The following SEC14L4 variants were observed in gnomAD, a reference collection of about 807,000 sequenced individuals.
The protein encoded by SEC14L4 is SEC14-like protein 4.
In SEC14L4, 42 loss-of-function variants were observed where a neutral mutation model predicts 55.1. The observed-to-expected ratio is 0.76, with a 90% confidence interval of 0.60 to 0.99. SEC14L4 has a LOEUF of 0.99. Among genes scored for constraint, SEC14L4 ranks in the 50% least tolerant of loss-of-function variants. SEC14L4 has a pLI of 0.00. For synonymous variants in SEC14L4, 206 were observed against 206.8 expected (o/e 1.00, Z 0.03); for missense variants, 445 against 512.1 (o/e 0.87, Z 1.27).
At chr22:30,490,329 A>C (rs748166799) in intron 11 of SEC14L4, 83 bp from the exon 12 acceptor site, 1 of 1,587,676 alleles carries the variant, frequency 6.3e-7, no homozygotes, top group African/African-American at 1.3e-5. Context: ...GCATCCCTGG[A>C]ACCCTTGGGA....
chr22:30,489,399 C>A lies in SEC14L4; in HGVS notation c.*708G>T. On this transcript the variant is annotated 3_prime_UTR_variant, in exon 12 of 12. Transcript: ENST00000255858. ...GGATTACAGGTGCACGCCACCATGC[C>A]CGGCTAATTTTTGTATTTTTAGTAG... 1 of 184,636 alleles carries A rather than the reference C, an allele frequency of 5.4e-6. No homozygotes were observed. Among genetic ancestry groups the A allele is most frequent in the Non-Finnish European group, 1.1e-5 (1 of 87,534 alleles). 11.4% of individuals were successfully genotyped at this position (184,636 alleles called of 1,614,324 possible).
In SEC14L4 at chr22:30,495,281, C is replaced by G; in HGVS notation, c.396G>C (p.Leu132Phe). ...TCTGAGTTTGCAGCTCACACTCATG[C>G]AACAGCAGCTCACAGACTTTGATGC... ...RKRIKVCELL[L>F]HECELQTQKL... is the part of the protein sequence containing the mutation. The change falls in exon 5 of 12, where the codon TTG becomes TTC. Residue 132 changes from leucine (L) to phenylalanine (F), a missense_variant. Leu to Phe is a conservative substitution (Grantham distance 22). Transcript: ENST00000255858. 1.9e-6 allele frequency: 3 copies of G among 1,612,674 alleles called. No individual in the cohort carries two copies. Among genetic ancestry groups the G allele is most frequent in the Non-Finnish European group, 2.5e-6 (3 of 1,179,416 alleles).
intron 11 of SEC14L4, 190 bp from the exon 12 acceptor site, chr22:30,490,436 C>A: frequency 1.2e-6 from 1 of 851,232 alleles, no homozygotes; most frequent in Non-Finnish European, 1.8e-6. Flanking sequence ...CTGTGCCCAG[C>A]CCTAAGCCCA....
rs771184062 is a variant in SEC14L4 at position 30,501,750 on chromosome 22, G to C, written c.130+1927C>G. Among the ~76,000 whole-genome samples the C allele has an allele frequency of 3.4e-4, 52 of 151,344 alleles. 1 individual carries two copies. The highest frequency in any genetic ancestry group is 5.4e-4 in the Non-Finnish European group (37 of 67,902). On this transcript the variant is annotated intron_variant, in intron 2 of 11. Transcript: ENST00000255858. ...AATAATAAGGAAAACTAGGTGCAGA[G>C]TATGTGGGAACTTTTTGCACTATAT... is the stretch of plus-strand genomic sequence containing the variant.
At chr22:30,491,404 C>T (rs1049498152) in intron 11 of SEC14L4, 169 bp downstream of exon 11, 1 of 709,772 alleles carries the variant, frequency 1.4e-6, no homozygotes, top group Admixed American at 2.9e-5. Flanking sequence ...CACAATGAAT[C>T]TCTGCCCTCA....
At chr22:30,502,995 T>C (rs750155663) in intron 2 of SEC14L4, among the ~76,000 whole-genome samples, 27 of 152,254 alleles carry the variant, frequency 1.8e-4, no homozygotes, top group Admixed American at 3.3e-4. Context: ...AACAGAGCCC[T>C]GTCCTCGGGG....
In SEC14L4 at chr22:30,505,584, G is replaced by T. The variant is rs1478667188; in HGVS notation, c.28C>A (p.Pro10Thr). ...CTGGCCAGCGCTTCCTGCTGCTGGG[G>T]GCTCAGGTCCCCGACTCGGCTGCTC... MSSRVGDLSPQQQEALARFR... is the reference protein window; with the variant it reads MSSRVGDLSTQQQEALARFR... The change falls in exon 1 of 12, where the codon CCC becomes ACC. Residue 10 changes from proline (P) to threonine (T), a missense_variant. Physicochemically the swap from Pro to Thr is conservative, Grantham distance 38. Transcript: ENST00000255858. The T allele has an allele frequency of 8.9e-6, 14 of 1,570,212 alleles. No homozygotes were observed. Among genetic ancestry groups the T allele is most frequent in the Non-Finnish European group, 1.2e-5 (14 of 1,161,058 alleles).
chr22:30,504,163 T>A lies in SEC14L4; in HGVS notation c.55-411A>T, dbSNP rs1022386625. On this transcript the variant is annotated intron_variant, in intron 1 of 11. Coordinates refer to ENST00000255858, the MANE Select transcript of SEC14L4 (RefSeq NM_174977.4). ...ACCCGTGCCTCCCGGGTTCAATAGA[T>A]CCTCCCAGCTCAGACTCCCAAGTAG... Among the ~76,000 whole-genome samples the A allele has an allele frequency of 2.0e-5, 3 of 151,942 alleles. No homozygotes were observed. In the East Asian group the frequency reaches 5.8e-4, roughly 29 times the overall value.
Position 30,494,205 on chromosome 22 carries a change from A to G in SEC14L4, c.525T>C (p.Phe175=), listed in dbSNP as rs1025420157. The change falls in exon 7 of 12, where the codon TTT becomes TTC. Residue 175 remains phenylalanine, a synonymous_variant. Transcript: ENST00000255858. The stretch of plus-strand genomic sequence containing the variant: ...CAGGATAATTTGCTTCCAGGATGCT[A>G]AAAAACTGTGGAGTCAAGATGAGTC... ...KPAVEVYQQF[F]SILEANYPET... 22 of 1,613,030 alleles carry G rather than the reference A, an allele frequency of 1.4e-5. No homozygotes were observed. The highest frequency in any genetic ancestry group is 1.9e-5 in the Non-Finnish European group (22 of 1,179,042).
At chr22:30,490,389 A>T in intron 11 of SEC14L4, 143 bp from the exon 12 acceptor site, 1 of 1,399,340 alleles carries the variant, frequency 7.1e-7, no homozygotes, top group Non-Finnish European at 9.7e-7. Context: ...CTTGGAAATG[A>T]GCTGTCCAGG....
chr22:30,495,421 C>CAT lies in SEC14L4; in HGVS notation c.255_256insAT (p.Gly86MetfsTer36). ...TCGTAGTCGTAGCCACAAAGACCAC[C>CAT]CGAGTCATACAGCTGGATGACCTGG... On this transcript the variant is annotated frameshift_variant, in exon 5 of 12. Coordinates refer to ENST00000255858, the MANE Select transcript of SEC14L4 (RefSeq NM_174977.4). LOFTEE classifies it high-confidence loss of function. 1 of 1,613,742 alleles carries CAT rather than the reference C, an allele frequency of 6.2e-7. No homozygotes were observed. The highest frequency in any genetic ancestry group is 1.1e-5 in the South Asian group (1 of 91,002).
chr22:30,491,394 C>G (rs377695846), intron 11 of SEC14L4, 179 bp downstream of exon 11: 7 of 680,192 alleles, frequency 1.0e-5, no homozygotes, highest in African/African-American at 5.4e-5. Context: ...GCTCTTCCCC[C>G]ACAATGAATC....
rs1018478433 is a variant in SEC14L4, at chr22:30,495,174, G to A, written c.423+80C>T. Reference sequence around the variant, plus strand: ...AGAGCCCTGGGTGCTGAGGGCTGGGGAGGGGCAGGGTGCCACCCTTCTCTG... The same window carrying A: ...AGAGCCCTGGGTGCTGAGGGCTGGGAAGGGGCAGGGTGCCACCCTTCTCTG... On this transcript the variant is annotated intron_variant, in intron 5 of 11. Transcript: ENST00000255858. 8.1e-6 allele frequency: 11 copies of A among 1,352,958 alleles called. No individual in the cohort carries two copies. In the African/African-American group the frequency reaches 8.7e-5, roughly 11 times the overall value. The allele number at this position is 1,352,958 out of a possible 1,614,324, so 83.8% of individuals were successfully genotyped here.
chr22:30,495,565 A>ATGCTGCTC lies in SEC14L4; in HGVS notation c.234+10_234+17dup. The ATGCTGCTC allele has an allele frequency of 1.2e-6, 2 of 1,613,628 alleles. No individual in the cohort carries two copies. Among genetic ancestry groups the ATGCTGCTC allele is most frequent in the Non-Finnish European group, 1.7e-6 (2 of 1,179,852 alleles). On this transcript the variant is annotated intron_variant, in intron 4 of 11. Coordinates refer to ENST00000255858, the MANE Select transcript of SEC14L4 (RefSeq NM_174977.4). ...TGAGGGGCCTCAGATGGCCTGGGGG[A>ATGCTGCTC]TGCTGCTCGAGGCTCACCTCAGGGG...
At chr22:30,505,509 G>T in intron 1 of SEC14L4, 49 bp downstream of exon 1, 1 of 1,533,724 alleles carries the variant, frequency 6.5e-7, no homozygotes. Context: ...GGCAGTGCCA[G>T]GCTGCTCAGG....
chr22:30,504,543 T>A (rs1316720246), intron 1 of SEC14L4, among the ~76,000 whole-genome samples: 2 of 151,972 alleles, frequency 1.3e-5, no homozygotes, highest in Non-Finnish European at 2.9e-5. Context: ...ATCAAAGGAG[T>A]CTGTGCACGT....
rs1463948839 is a variant in SEC14L4, at chr22:30,495,040, C to T, written c.424-79G>A. 11 of 1,294,914 alleles carry T rather than the reference C, an allele frequency of 8.5e-6. No homozygotes were observed. The East Asian group carries it at 2.4e-4, about 28-fold the overall frequency. 80.2% of individuals were successfully genotyped at this position (1,294,914 alleles called of 1,614,324 possible). A position where few individuals can be genotyped will look rare whatever the true frequency, so the allele number is the denominator to read the frequency against. ...GGCCAGAGAGACTTGGGCACCTCTC[C>T]CCACCTTCCTGCCATCCCACCCTCT... On this transcript the variant is annotated intron_variant, in intron 5 of 11. Coordinates refer to ENST00000255858, the MANE Select transcript of SEC14L4 (RefSeq NM_174977.4).
rs1935961396 is a variant in SEC14L4, at chr22:30,491,708, A to G, written c.946T>C (p.Phe316Leu). 1 of 1,614,096 alleles carries G rather than the reference A, an allele frequency of 6.2e-7. No homozygotes were observed. The highest frequency in any genetic ancestry group is 8.5e-7 in the Non-Finnish European group (1 of 1,180,012). The change falls in exon 11 of 12, where the codon TTT (phenylalanine) becomes CTT (leucine). Residue 316 changes from phenylalanine (F) to leucine (L), a missense_variant. Transcript: ENST00000255858. ...ATCTTGGTCTTCAGGAAAACCCCAA[A>G]GCCGATGTCCCCACCATCTGAAGCA... ...QFASDGGDIG[F>L]GVFLKTKMGE...
intron 2 of SEC14L4, 64 bp downstream of exon 2, chr22:30,503,613 T>G (rs959522191): frequency 1.6e-5 from 19 of 1,219,854 alleles, no homozygotes; most frequent in Non-Finnish European, 2.3e-5. Flanking sequence ...AGTCTCCCAC[T>G]CCTCTCCTGA....
Sources: gnomAD v4.1 joint callset for allele counts (sites outside exome capture counted in the v4.1 genomes callset) on GRCh38, gnomAD v4.1.1 for gene constraint, MANE v1.5 for transcripts, NCBI Gene and HGNC (gene_info 2026-07-23, HGNC 2026-07-21) for gene names.